The following GSS variants were observed in gnomAD, a reference collection of about 807,000 sequenced individuals.
GSS encodes GSH synthetase.
Under a neutral mutation model 60.4 loss-of-function variants are expected in GSS, and 34 were observed. That is an observed-to-expected ratio of 0.56 (90% confidence interval 0.43 to 0.75). The LOEUF is 0.75. Among genes scored for constraint, GSS ranks in the 30% least tolerant of loss-of-function variants. The probability of loss-of-function intolerance (pLI) is 0.00; values close to 1 mark genes in which losing one functional copy is unlikely to be tolerated. For synonymous variants in GSS, 224 were observed against 239.0 expected (o/e 0.94, Z 0.58); for missense variants, 499 against 595.1 (o/e 0.84, Z 1.68).
chr20:34,945,926 GC>G, intron 3 of GSS, 26 bp downstream of exon 3: 4 of 1,611,256 alleles, frequency 2.5e-6, no homozygotes, highest in Non-Finnish European at 8.5e-7. Flanking sequence ...GCAGCTCCTG[GC>G]CCCCCAATGC....
At chr20:34,952,132 G>A (rs1417824922) in intron 1 of GSS, 2 of 478,004 alleles carry the variant, frequency 4.2e-6, no homozygotes, top group Admixed American at 3.1e-5. Context: ...GCAGAGGCTT[G>A]GAGAGGTGAA....
At chr20:34,941,385 A>T (rs1471196006) in intron 6 of GSS, among the ~76,000 whole-genome samples, 1 of 151,770 alleles carries the variant, frequency 6.6e-6, no homozygotes, top group Non-Finnish European at 1.5e-5. Context: ...ATGACTAAGA[A>T]CTTAAAGCCT....
Position 34,936,802 on chromosome 20 carries a change from G to A in GSS, c.728C>T (p.Ser243Phe). 6.2e-7 allele frequency: 1 copy of A among 1,614,100 alleles called. No individual in the cohort carries two copies. Among genetic ancestry groups the A allele is most frequent in the Non-Finnish European group, 8.5e-7 (1 of 1,179,974 alleles). Residue 243 changes from serine (S) to phenylalanine (F), a missense_variant, in exon 8 of 13, where the codon TCT becomes TTT. Transcript: ENST00000651619. ...GTCTTGGTCCAGAGACCCCTTTTCAGAGATATCTTCAAATGTTCGTCGGAT... is the reference window on the plus strand; with the variant it reads ...GTCTTGGTCCAGAGACCCCTTTTCAAAGATATCTTCAAATGTTCGTCGGAT... ...HVIRRTFEDISEKGSLDQDRR... is the reference protein window; with the variant it reads ...HVIRRTFEDIFEKGSLDQDRR...
chr20:34,942,711 C>T (rs953172521), intron 4 of GSS, 84 bp from the exon 5 acceptor site: 12 of 1,337,418 alleles, frequency 9.0e-6, no homozygotes, highest in Middle Eastern at 3.6e-4. Flanking sequence ...GTACCATGAA[C>T]TCTACACAGA....
chr20:34,931,863 C>A (rs1600378477), intron 10 of GSS, 76 bp downstream of exon 10: 1 of 1,353,960 alleles, frequency 7.4e-7, no homozygotes, highest in East Asian at 2.3e-5. Context: ...GCCAGCTCCA[C>A]CCTCCCCAAC....
intron 2 of GSS, among the ~76,000 whole-genome samples, chr20:34,948,880 T>C (rs558463344): frequency 1.5e-4 from 23 of 152,062 alleles, no homozygotes; most frequent in Admixed American, 3.3e-4. Context: ...CAGGGAGTGA[T>C]AGGAATTGTG....
At chr20:34,935,915 T>C (rs2081437629) in intron 8 of GSS, among the ~76,000 whole-genome samples, 1 of 152,188 alleles carries the variant, frequency 6.6e-6, no homozygotes. Context: ...AGAAGGTCAC[T>C]AGAATCAAAT....
intron 1 of GSS, chr20:34,952,077 C>G (rs1379586453): frequency 1.0e-5 from 6 of 597,862 alleles, no homozygotes; most frequent in Non-Finnish European, 1.8e-5. Context: ...TTGCCACTCT[C>G]TCTTTTGATT....
At chr20:34,939,214 TG>T (rs1211943936) in intron 6 of GSS, among the ~76,000 whole-genome samples, 2 of 152,082 alleles carry the variant, frequency 1.3e-5, no homozygotes, top group Non-Finnish European at 2.9e-5. Context: ...CACTCCAGCC[TG>T]GGCAACAAAA....
Position 34,951,777 on chromosome 20 carries a change from C to A in GSS, c.76G>T (p.Ala26Ser). Residue 26 changes from alanine (A) to serine (S), a missense_variant, in exon 2 of 13, where the codon GCC becomes TCC. Transcript: ENST00000651619. ...EELARQAVDR[A>S]LAEGVLLRTS... ...CTCAGCAATACTCCCTCAGCCAGGG[C>A]CCGGTCCACGGCCTGCCGTGCCAGC... 6.2e-7 allele frequency: 1 copy of A among 1,613,796 alleles called. No individual in the cohort carries two copies. Among genetic ancestry groups the A allele is most frequent in the Non-Finnish European group, 8.5e-7 (1 of 1,179,862 alleles).
In GSS at chr20:34,942,517, G is replaced by A. The variant is rs1326342374; in HGVS notation, c.462C>T (p.Gly154=). ...GCACAGCTGGGGTCCGGGAGGCCAGGCCCCCAAAGCTGGCAGAGATGGTGT... is the reference window on the plus strand; with the variant it reads ...GCACAGCTGGGGTCCGGGAGGCCAGACCCCCAAAGCTGGCAGAGATGGTGT... ...EINTISASFG[G]LASRTPAVHR... Residue 154 remains glycine (G), a synonymous_variant, in exon 5 of 13, where the codon GGC becomes GGT. Coordinates refer to ENST00000651619, the MANE Select transcript of GSS (RefSeq NM_000178.4). 4 of 1,613,912 alleles carry A rather than the reference G, an allele frequency of 2.5e-6. No homozygotes were observed. The highest frequency in any genetic ancestry group is 1.7e-4 in the Middle Eastern group (1 of 6,050).
Position 34,928,893 on chromosome 20 carries a change from T to C in GSS, c.1360A>G (p.Ile454Val), listed in dbSNP as rs1375815979. 1.2e-6 allele frequency: 2 copies of C among 1,613,892 alleles called. No individual in the cohort carries two copies. Among genetic ancestry groups the C allele is most frequent in the Non-Finnish European group, 1.7e-6 (2 of 1,180,028 alleles). The part of the protein sequence containing the change: ...HVGHLLRTKA[I>V]EHADGGVAAG... ...GCCACACCACCATCTGCATGCTCGA[T>C]GGCTTTGGTTCGAAGTAGATGCCCC... Residue 454 changes from isoleucine to valine, a missense_variant, in exon 13 of 13, where the codon ATC becomes GTC. Transcript: ENST00000651619.
chr20:34,937,960 C>A (rs1024880748), intron 6 of GSS, among the ~76,000 whole-genome samples: 1 of 152,164 alleles, frequency 6.6e-6, no homozygotes, highest in Non-Finnish European at 1.5e-5. Context: ...TGGGTTCCAG[C>A]GATTCTCCTG....
intron 6 of GSS, among the ~76,000 whole-genome samples, chr20:34,938,727 C>G (rs2081460170): frequency 2.0e-5 from 3 of 152,186 alleles, no homozygotes; most frequent in Admixed American, 2.0e-4. Flanking sequence ...GAGCTGGGCT[C>G]AGAAAACATA....
rs200893542 is a variant in GSS, at chr20:34,941,839, G to A, written c.492-10C>T. ...GACACTGAGAACATGTCTGTTGGAAGAGAGATGGCTGTTCAGTAATTGGAT... is the reference window on the plus strand; with the variant it reads ...GACACTGAGAACATGTCTGTTGGAAAAGAGATGGCTGTTCAGTAATTGGAT... On this transcript the variant is annotated splice_polypyrimidine_tract_variant and intron_variant, in intron 5 of 12. Transcript: ENST00000651619. The A allele has an allele frequency of 6.8e-7, 1 of 1,465,472 alleles. No individual in the cohort carries two copies. The highest frequency in any genetic ancestry group is 9.6e-7 in the Non-Finnish European group (1 of 1,045,872). 90.8% of individuals were successfully genotyped at this position (1,465,472 alleles called of 1,614,324 possible). A position where few individuals can be genotyped will look rare whatever the true frequency, so the allele number is the denominator to read the frequency against.
chr20:34,945,909 G>A (rs1398428365), intron 3 of GSS, 44 bp downstream of exon 3: 1 of 1,605,062 alleles, frequency 6.2e-7, no homozygotes, highest in Admixed American at 1.7e-5. Context: ...CCAGTTCCTT[G>A]GCTCTGGCAG....
At chr20:34,931,197 C>G (rs2081398270) in intron 11 of GSS, 139 bp downstream of exon 11, 1 of 750,028 alleles carries the variant, frequency 1.3e-6, no homozygotes, top group Non-Finnish European at 2.4e-6. Context: ...TTAGGGGACA[C>G]TGTCCAACAT....
At chr20:34,932,347 C>T (rs2081408932) in intron 9 of GSS, among the ~76,000 whole-genome samples, 1 of 152,180 alleles carries the variant, frequency 6.6e-6, no homozygotes, top group Non-Finnish European at 1.5e-5. Context: ...CAAGAATCCC[C>T]CAATCTGTGG....
At chr20:34,953,457 TCAGA>T (rs1039076561) in intron 1 of GSS, among the ~76,000 whole-genome samples, 41 of 152,212 alleles carry the variant, frequency 2.7e-4, no homozygotes, top group African/African-American at 8.9e-4. Flanking sequence ...AAGGTTCAAG[TCAGA>T]CAGACAGACA....
Sources: allele counts gnomAD v4.1 joint callset (sites outside exome capture counted in the v4.1 genomes callset), GRCh38; gene constraint gnomAD v4.1.1; transcripts MANE v1.5; gene names NCBI Gene and HGNC (gene_info 2026-07-23, HGNC 2026-07-21).